The following LRBA variants were observed in gnomAD, a reference collection of about 807,000 sequenced individuals.
The protein encoded by LRBA is lipopolysaccharide-responsive and beige-like anchor protein.
A neutral mutation model predicts 330.0 loss-of-function variants in LRBA; 176 were observed. The observed-to-expected ratio is 0.53, with a 90% CI of 0.47 to 0.60. The LOEUF (loss-of-function observed/expected upper bound fraction) is 0.60, where lower values mean the gene tolerates loss of function less well. Among genes scored for constraint, LRBA ranks in the 20% least tolerant of loss-of-function variants. The pLI is 0.00. For missense variants in LRBA, 3,259 were observed against 3,444.8 expected, an observed-to-expected ratio of 0.95 and a Z score of 1.35; for synonymous variants, 1,230 against 1,193.0, an observed-to-expected ratio of 1.03 and a Z score of -0.64.
intron 36 of LRBA, 174 bp from the exon 37 acceptor site, chr4:150,683,891 G>T (rs1215804002): frequency 1.8e-6 from 1 of 549,048 alleles, no homozygotes; most frequent in Non-Finnish European, 3.2e-6. Flanking sequence ...CATCCCACAA[G>T]AATTTACTTC....
intron 30 of LRBA, among the ~76,000 whole-genome samples, chr4:150,824,190 T>C (rs975687690): frequency 1.5e-4 from 23 of 152,176 alleles, no homozygotes; most frequent in African/African-American, 5.3e-4. Context: ...CTATTGTAAA[T>C]TGGATTACTT....
chr4:150,635,505 T>G (rs1318247616), intron 37 of LRBA, among the ~76,000 whole-genome samples: 2 of 152,228 alleles, frequency 1.3e-5, no homozygotes, highest in Non-Finnish European at 2.9e-5. Flanking sequence ...ACCATCTCTC[T>G]TCTTCCTACC....
chr4:150,476,751 T>C (rs761922611), intron 42 of LRBA, among the ~76,000 whole-genome samples: 16 of 152,298 alleles, frequency 1.1e-4, no homozygotes, highest in Middle Eastern at 3.4e-3. Context: ...AAATGAAAAC[T>C]ATTGTTGGTG....
intron 42 of LRBA, among the ~76,000 whole-genome samples, chr4:150,482,421 C>A (rs1442384111): frequency 3.3e-5 from 5 of 152,070 alleles, no homozygotes; most frequent in Admixed American, 1.3e-4. Flanking sequence ...GGATTTATCA[C>A]AGTTTGTCCA....
At chr4:150,900,347 C>T in intron 13 of LRBA, 130 bp from the exon 14 acceptor site, 2 of 594,698 alleles carry the variant, frequency 3.4e-6, no homozygotes, top group Non-Finnish European at 5.8e-6. Context: ...ATAATAATAT[C>T]CATATTAGAC....
intron 37 of LRBA, among the ~76,000 whole-genome samples, chr4:150,605,707 TAATGTTCAG>T (rs1774554282): frequency 6.6e-6 from 1 of 152,030 alleles, no homozygotes; most frequent in African/African-American, 2.4e-5. Context: ...CTTGGTGAAA[TAATGTTCAG>T]GTACTATAGG....
chr4:150,421,341 T>A, intron 46 of LRBA, among the ~76,000 whole-genome samples: 1 of 145,958 alleles, frequency 6.9e-6, no homozygotes, highest in Non-Finnish European at 1.5e-5. Flanking sequence ...TCATTTTATG[T>A]ATATATTTAT....
At chr4:150,944,018 G>A (rs1307086339) in intron 2 of LRBA, among the ~76,000 whole-genome samples, 1 of 152,212 alleles carries the variant, frequency 6.6e-6, no homozygotes, top group African/African-American at 2.4e-5. Flanking sequence ...CAACTTGCCA[G>A]TCATGTAAGT....
chr4:150,487,804 G>A lies in LRBA; in HGVS notation c.6479C>T (p.Ala2160Val), dbSNP rs775562007. ...ATAGTTAACCACTTTCTTTACTGTT[G>A]CAGGGTCTGGGAAGTTGAACATCAC... ...VAVMFNFPDPATVKKVVNYLP... is the reference protein window; with the variant it reads ...VAVMFNFPDPVTVKKVVNYLP... Residue 2160 changes from alanine (A) to valine (V), a missense_variant, in exon 42 of 57, where the codon GCA (alanine) becomes GTA (valine). Physicochemically the swap from Ala to Val is moderately conservative, Grantham distance 64 (BLOSUM62 0). Coordinates refer to ENST00000651943, the MANE Select transcript of LRBA (RefSeq NM_001364905.1). 4.4e-6 allele frequency: 7 copies of A among 1,594,054 alleles called. No homozygotes were observed. The Admixed American group carries it at 1.0e-4, about 23-fold the overall frequency.
At chr4:150,402,673 A>G (rs983174476) in intron 47 of LRBA, among the ~76,000 whole-genome samples, 9 of 152,092 alleles carry the variant, frequency 5.9e-5, no homozygotes, top group African/African-American at 2.2e-4. Context: ...TTGTTTATTT[A>G]TATAATACTC....
At chr4:150,567,676 T>A (rs1024708225) in intron 40 of LRBA, among the ~76,000 whole-genome samples, 1 of 152,176 alleles carries the variant, frequency 6.6e-6, no homozygotes, top group African/African-American at 2.4e-5. Context: ...AAGAGTTCAA[T>A]AAAGTGGTGT....
chr4:150,817,586 C>T (rs896485282), intron 30 of LRBA, among the ~76,000 whole-genome samples: 2 of 150,892 alleles, frequency 1.3e-5, no homozygotes, highest in South Asian at 2.1e-4. Flanking sequence ...AACGTTTCCA[C>T]AAGAATTGTA....
At position 150,277,957 on chromosome 4, in the gene LRBA, G is replaced by C. The variant is rs1426797484; in HGVS notation, c.8364C>G (p.Asp2788Glu). The change falls in exon 56 of 57, where the codon GAC (aspartate) becomes GAG (glutamate). Residue 2788 changes from aspartate to glutamate, a missense_variant. By Grantham distance (45) the Asp-to-Glu change is conservative. Transcript: ENST00000651943. ...RDGQYLLTGG[D>E]RGVVVVRQVS... ...CCTGCCGGACCACGACCACTCCTCT[G>C]TCTCCTCCTGTGAGCAGGTACTGCC... 1 of 1,614,084 alleles carries C rather than the reference G, an allele frequency of 6.2e-7. No homozygotes were observed.
chr4:150,947,488 A>G (rs983336501), intron 2 of LRBA, among the ~76,000 whole-genome samples: 2 of 152,080 alleles, frequency 1.3e-5, no homozygotes, highest in African/African-American at 4.8e-5. Flanking sequence ...CAATAACACT[A>G]TTGAGGATAA....
At chr4:150,857,427 C>A (rs904781721) in intron 22 of LRBA, among the ~76,000 whole-genome samples, 1 of 152,168 alleles carries the variant, frequency 6.6e-6, no homozygotes, top group Non-Finnish European at 1.5e-5. Context: ...AACTTCTAAT[C>A]TTTTCATTTT....
At chr4:150,540,621 A>G (rs1227044609) in intron 40 of LRBA, among the ~76,000 whole-genome samples, 1 of 152,244 alleles carries the variant, frequency 6.6e-6, no homozygotes, top group Admixed American at 6.5e-5. Flanking sequence ...TTTATAATAC[A>G]TTCCTTAATA....
intron 42 of LRBA, among the ~76,000 whole-genome samples, chr4:150,472,223 G>A (rs1756217027): frequency 6.6e-6 from 1 of 151,974 alleles, no homozygotes; most frequent in Non-Finnish European, 1.5e-5. Flanking sequence ...TGTTCATGGG[G>A]TAAAGAGAAA....
At chr4:150,844,575 C>A (rs1183531752) in intron 27 of LRBA, 83 bp downstream of exon 27, 108 of 1,272,220 alleles carry the variant, frequency 8.5e-5, no homozygotes, top group Non-Finnish European at 5.6e-5. Context: ...ATTTATTTAA[C>A]TTTATGTTGA....
At chr4:150,531,285 C>G (rs1454992239) in intron 40 of LRBA, among the ~76,000 whole-genome samples, 1 of 152,154 alleles carries the variant, frequency 6.6e-6, no homozygotes, top group Non-Finnish European at 1.5e-5. Flanking sequence ...TTTTGCAACT[C>G]AATCCCACTT....
Sources: allele counts gnomAD v4.1 joint callset (sites outside exome capture counted in the v4.1 genomes callset), GRCh38; gene constraint gnomAD v4.1.1; transcripts MANE v1.5; gene names NCBI Gene and HGNC (gene_info 2026-07-23, HGNC 2026-07-21).